The following EIF2AK4 variants were observed in gnomAD, a reference collection of about 807,000 sequenced individuals.
EIF2AK4 encodes the protein eukaryotic translation initiation factor 2 alpha kinase 4.
A neutral mutation model predicts 211.1 loss-of-function variants in EIF2AK4; 139 were observed. The observed-to-expected ratio is 0.66, with a 90% CI of 0.57 to 0.76. EIF2AK4 has a LOEUF of 0.76. EIF2AK4 is among the 30% of genes least tolerant of loss of function. The probability of loss-of-function intolerance (pLI) is 0.00; values close to 1 mark genes in which losing one functional copy is unlikely to be tolerated. For missense variants in EIF2AK4, 1,664 were observed against 2,043.8 expected, an observed-to-expected ratio of 0.81 and a Z score of 3.58; for synonymous variants, 710 against 751.3, an observed-to-expected ratio of 0.94 and a Z score of 0.90.
At chr15:39,946,817 T>G (rs768217295) in intron 3 of EIF2AK4, 27 of 595,834 alleles carry the variant, frequency 4.5e-5, no homozygotes, top group Non-Finnish European at 6.6e-5. Context: ...ACCCTCTGTC[T>G]GCAAAAAGAT....
intron 24 of EIF2AK4, 130 bp downstream of exon 24, chr15:40,007,195 T>G (rs1425543426): frequency 1.1e-5 from 9 of 853,620 alleles, no homozygotes; most frequent in Admixed American, 8.3e-5. Flanking sequence ...AATATTGAGC[T>G]TAGAATATGA....
In EIF2AK4 at chr15:39,949,212, C is replaced by T. The variant is rs1205629925; in HGVS notation, c.457C>T (p.Arg153Trp). ...KSFHEEMLER[R>W]AQEEQQRLLE... ...TTTTCATGAAGAAATGCTGGAAAGG[C>T]GGGCTCAGGAGGAGCAGCAGAGGCT... The change falls in exon 4 of 39, where the codon CGG (arginine) becomes TGG (tryptophan). Residue 153 changes from arginine to tryptophan, a missense_variant. Transcript: ENST00000263791. The T allele has an allele frequency of 5.6e-6, 9 of 1,614,010 alleles. No individual in the cohort carries two copies. The highest frequency in any genetic ancestry group is 4.5e-5 in the East Asian group (2 of 44,880).
chr15:39,962,556 T>C (rs2034488005), intron 7 of EIF2AK4, among the ~76,000 whole-genome samples: 1 of 152,176 alleles, frequency 6.6e-6, no homozygotes. Flanking sequence ...ACTCCTGGGC[T>C]CACTCAATAT....
intron 6 of EIF2AK4, 148 bp downstream of exon 6, chr15:39,955,916 T>C (rs2034384862): frequency 1.4e-6 from 1 of 704,630 alleles, no homozygotes; most frequent in East Asian, 3.3e-5. Context: ...ATTAGCAATA[T>C]ATTAGGTGTA....
In EIF2AK4 at chr15:39,976,540, G is replaced by T; in HGVS notation, c.1945G>T (p.Val649Leu). ...GTCACGGCTGCACCATGAGAACATT[G>T]TGCGCTACTACAACGCCTGGATCGA... ...LLSRLHHENI[V>L]RYYNAWIERH... Residue 649 changes from valine to leucine, a missense_variant, in exon 12 of 39, where the codon GTG (valine) becomes TTG (leucine). By Grantham distance (32) the Val-to-Leu change is conservative (BLOSUM62 1). Around this residue, in one of 7 missense-constraint regions of EIF2AK4, gnomAD observed 37 missense variants for 84.0 expected, o/e 0.44. Transcript: ENST00000263791. The T allele has an allele frequency of 6.2e-7, 1 of 1,613,218 alleles. No homozygotes were observed. Among genetic ancestry groups the T allele is most frequent in the Non-Finnish European group, 8.5e-7 (1 of 1,179,956 alleles).
Position 40,020,934 on chromosome 15 carries a change from T to G in EIF2AK4, c.4209T>G (p.Ser1403Arg). The part of the protein sequence containing the change: ...TISSCDLLVV[S>R]VGQMSMSRAI... ...GCTCTTGTGACCTCCTGGTTGTAAG[T>G]GTTGGCCAGATGTCTATGTCCAGGG... The change falls in exon 31 of 39, where the codon AGT becomes AGG. Residue 1403 changes from serine to arginine, a missense_variant. By Grantham distance (110) the Ser-to-Arg change is moderately radical. Around this residue, in one of 7 missense-constraint regions of EIF2AK4, gnomAD observed 622 missense variants for 796.8 expected, o/e 0.78. Transcript: ENST00000263791. The G allele has an allele frequency of 6.2e-7, 1 of 1,612,930 alleles. No individual in the cohort carries two copies. The highest frequency in any genetic ancestry group is 8.5e-7 in the Non-Finnish European group (1 of 1,179,462).
chr15:39,949,147 A>C lies in EIF2AK4; in HGVS notation c.392A>C (p.Gln131Pro). ...ATCTTTGAACTGGCTTACCACGTGC[A>C]GTCATTTCTCAGCGAGCATAACAAG... ...VMIFELAYHV[Q>P]SFLSEHNKPP... is the part of the protein sequence containing the mutation. The change falls in exon 4 of 39, where the codon CAG becomes CCG. Residue 131 changes from glutamine (Q) to proline (P), a missense_variant. Transcript: ENST00000263791. 6.2e-7 allele frequency: 1 copy of C among 1,614,082 alleles called. No homozygotes were observed. Among genetic ancestry groups the C allele is most frequent in the Non-Finnish European group, 8.5e-7 (1 of 1,179,996 alleles).
At position 40,030,372 on chromosome 15, in the gene EIF2AK4, C is replaced by G. The variant is rs758578331; in HGVS notation, c.4575C>G (p.Ile1525Met). ...SFSNASGLFE[I>M]HGATVVPIVS... The stretch of plus-strand genomic sequence containing the variant: ...TCTTGGTCTCAGGTTTGTTTGAAAT[C>G]CATGGAGCAACAGTGGTTCCCATTG... Residue 1525 changes from isoleucine (I) to methionine (M), a missense_variant, in exon 35 of 39, where the codon ATC becomes ATG. By Grantham distance (10) the Ile-to-Met change is conservative (BLOSUM62 1). Coordinates refer to ENST00000263791, the MANE Select transcript of EIF2AK4 (RefSeq NM_001013703.4). 4 of 1,613,916 alleles carry G rather than the reference C, an allele frequency of 2.5e-6. No homozygotes were observed. In the African/African-American group the frequency reaches 5.3e-5, roughly 22 times the overall value.
At chr15:39,981,745 A>G (rs908336946) in intron 13 of EIF2AK4, among the ~76,000 whole-genome samples, 2 of 152,124 alleles carry the variant, frequency 1.3e-5, no homozygotes, top group African/African-American at 4.8e-5. Context: ...ACATCTATTG[A>G]GGGAAAAAGA....
chr15:39,962,572 C>T (rs1165714937), intron 7 of EIF2AK4, among the ~76,000 whole-genome samples: 1 of 152,166 alleles, frequency 6.6e-6, no homozygotes, highest in Admixed American at 6.5e-5. Flanking sequence ...AATATTCTCC[C>T]CTCAGCCTCC....
At chr15:40,020,755 A>T in intron 30 of EIF2AK4, 144 bp from the exon 31 acceptor site, 1 of 633,768 alleles carries the variant, frequency 1.6e-6, no homozygotes, top group Non-Finnish European at 2.4e-6. Context: ...GTTTTGAAGC[A>T]AAGTCTTTGG....
chr15:39,975,360 C>A (rs1404673711), intron 11 of EIF2AK4: 2 of 152,202 alleles, frequency 1.3e-5, no homozygotes, highest in African/African-American at 4.8e-5. Flanking sequence ...TGTAGTACTT[C>A]CTTCTTATTC....
At chr15:40,032,021 C>A in intron 35 of EIF2AK4, 148 bp from the exon 36 acceptor site, 2 of 725,866 alleles carry the variant, frequency 2.8e-6, no homozygotes, top group East Asian at 2.6e-5. Flanking sequence ...CCATCGTACC[C>A]AGCCAAGGGC....
intron 13 of EIF2AK4, among the ~76,000 whole-genome samples, chr15:39,983,717 C>T (rs910952713): frequency 1.3e-5 from 2 of 152,248 alleles, no homozygotes; most frequent in African/African-American, 4.8e-5. Context: ...GCTGGGATTA[C>T]AGGCATGAGC....
At chr15:39,946,577 G>A (rs781341308) in intron 3 of EIF2AK4, 8 of 701,954 alleles carry the variant, frequency 1.1e-5, no homozygotes, top group Non-Finnish European at 1.8e-5. Context: ...CATAAACTTT[G>A]TTTTGAAGCA....
rs1173487438 is a variant in EIF2AK4 at position 40,035,074 on chromosome 15, T to A, written c.4940T>A (p.Ile1647Asn). ...AGCTATAGAGATGACTACTACAGAATCTTATTTTAACCCTAAAGAACTGTC... is the reference window on the plus strand; with the variant it reads ...AGCTATAGAGATGACTACTACAGAAACTTATTTTAACCCTAAAGAACTGTC... ...LYSYRDDYYR[I>N]LF The change falls in exon 39 of 39, where the codon ATC (isoleucine) becomes AAC (asparagine). Residue 1647 changes from isoleucine to asparagine, a missense_variant. Physicochemically the swap from Ile to Asn is moderately radical, Grantham distance 149. Coordinates refer to ENST00000263791, the MANE Select transcript of EIF2AK4 (RefSeq NM_001013703.4). 6.3e-7 allele frequency: 1 copy of A among 1,582,100 alleles called. No individual in the cohort carries two copies. The highest frequency in any genetic ancestry group is 8.6e-7 in the Non-Finnish European group (1 of 1,164,012).
chr15:39,996,249 C>T (rs566778308), intron 18 of EIF2AK4, among the ~76,000 whole-genome samples: 1 of 152,296 alleles, frequency 6.6e-6, no homozygotes, highest in East Asian at 1.9e-4. Flanking sequence ...CTATCAGCCG[C>T]AGATTTTGGT....
At chr15:40,000,836 AAT>A in intron 20 of EIF2AK4, 150 bp from the exon 21 acceptor site, 6 of 369,058 alleles carry the variant, frequency 1.6e-5, no homozygotes, top group South Asian at 4.1e-5. Flanking sequence ...AAGCAGAAAA[AAT>A]AATGACCTAT....
At chr15:39,980,458 T>C (rs2034765774) in intron 13 of EIF2AK4, among the ~76,000 whole-genome samples, 1 of 152,222 alleles carries the variant, frequency 6.6e-6, no homozygotes, top group Non-Finnish European at 1.5e-5. Context: ...CAGATGTCAA[T>C]TGTGAATACA....
Sources: allele counts gnomAD v4.1 joint callset (sites outside exome capture counted in the v4.1 genomes callset), GRCh38; gene constraint gnomAD v4.1.1; regional missense constraint gnomAD v4.1.1; transcripts MANE v1.5; gene names NCBI Gene and HGNC (gene_info 2026-07-23, HGNC 2026-07-21).